TCF7L2: variants seen among roughly 807,000 people sequenced by gnomAD.
TCF7L2 encodes the protein transcription factor 7-like 2.
TCF7L2 carries 23 observed loss-of-function variants against 77.9 expected under a neutral mutation model. That is an observed-to-expected ratio of 0.30 (90% confidence interval 0.21 to 0.42). The LOEUF (loss-of-function observed/expected upper bound fraction) is 0.42. TCF7L2 is among the 10% of genes least tolerant of loss of function. The probability of loss-of-function intolerance (pLI) is 1.00; values close to 1 mark genes in which losing one functional copy is unlikely to be tolerated. For synonymous variants in TCF7L2, 413 were observed against 340.2 expected (o/e 1.21, Z -2.36); for missense variants, 654 against 793.1 (o/e 0.82, Z 2.11).
At chr10:113,055,126 C>T (rs377099209) in intron 5 of TCF7L2, among the ~76,000 whole-genome samples, 29 of 152,198 alleles carry the variant, frequency 1.9e-4, no homozygotes, top group African/African-American at 6.7e-4. Context: ...AGGATTCATA[C>T]CAAAGTAGAG....
intron 4 of TCF7L2, among the ~76,000 whole-genome samples, chr10:113,012,098 A>G (rs936378237): frequency 6.6e-6 from 1 of 152,134 alleles, no homozygotes; most frequent in African/African-American, 2.4e-5. Flanking sequence ...CGCCTTGGCA[A>G]TGGTTTTCAA....
chr10:112,964,341 AAAAAACAAAAAC>A lies in TCF7L2; in HGVS notation c.382-197_382-186del, dbSNP rs199541501. 3.0e-3 allele frequency among the ~76,000 whole-genome samples: 461 copies of A among 152,240 alleles called. 4 individuals are homozygous for A. The highest frequency in any genetic ancestry group is 0.01 in the African/African-American group (433 of 41,526). On this transcript the variant is annotated intron_variant, in intron 3 of 13. Transcript: ENST00000627217. ...CTGTATGCTTATTGAATAGGTGCTT[AAAAAACAAAAAC>A]AAAAACAAAAACAAAAAAACTTTAC...
chr10:113,152,897 G>GTT (rs2071064207), intron 11 of TCF7L2, among the ~76,000 whole-genome samples: 2 of 152,188 alleles, frequency 1.3e-5, no homozygotes, highest in South Asian at 4.1e-4. Context: ...GCCCTTTACC[G>GTT]TTAAGAAGGA....
At chr10:113,095,915 G>A (rs956836230) in intron 5 of TCF7L2, among the ~76,000 whole-genome samples, 3 of 152,050 alleles carry the variant, frequency 2.0e-5, no homozygotes, top group African/African-American at 4.8e-5. Context: ...CCCTTTCGTC[G>A]TGAGTCACGT....
chr10:113,108,637 G>C (rs868337039), intron 5 of TCF7L2, among the ~76,000 whole-genome samples: 23 of 152,280 alleles, frequency 1.5e-4, no homozygotes, highest in African/African-American at 5.5e-4. Flanking sequence ...GGTCAGCCTA[G>C]GCTGGCAGCA....
intron 5 of TCF7L2, among the ~76,000 whole-genome samples, chr10:113,092,009 A>C (rs1281378322): frequency 2.0e-5 from 3 of 152,214 alleles, no homozygotes; most frequent in African/African-American, 4.8e-5. Flanking sequence ...GAATATAGCT[A>C]TTCTCCCATC....
intron 11 of TCF7L2, among the ~76,000 whole-genome samples, chr10:113,157,243 C>T (rs1360461264): frequency 2.0e-5 from 3 of 152,196 alleles, no homozygotes; most frequent in African/African-American, 7.2e-5. Flanking sequence ...CTCGGCCTCC[C>T]GAGTAGCTGG....
rs1348117019 is a variant in TCF7L2 at position 113,118,678 on chromosome 10, GT to G, written c.553-22498del. Reference sequence around the variant, plus strand: ...TGTTTTTTTTTGTTTTTTTTTTTTTGTTTTTTTTATTTTATTTTATTCCCAA... The same window carrying G: ...TGTTTTTTTTTGTTTTTTTTTTTTTGTTTTTTTATTTTATTTTATTCCCAA... On this transcript the variant is annotated intron_variant, in intron 5 of 13. Coordinates refer to ENST00000627217, the MANE Select transcript of TCF7L2 (RefSeq NM_001146274.2). Among the ~76,000 whole-genome samples the G allele has an allele frequency of 2.5e-3, 135 of 53,294 alleles. 2 individuals are homozygous for G. Among genetic ancestry groups the G allele is most frequent in the African/African-American group, 9.7e-3 (128 of 13,218 alleles). 35.0% of individuals were successfully genotyped at this position (53,294 alleles called of 152,430 possible). A position where few individuals can be genotyped will look rare whatever the true frequency, so the allele number is the denominator to read the frequency against.
At chr10:113,095,723 T>C (rs1001223086) in intron 5 of TCF7L2, among the ~76,000 whole-genome samples, 13 of 152,300 alleles carry the variant, frequency 8.5e-5, no homozygotes, top group African/African-American at 2.4e-4. Context: ...ATCCTTTTCA[T>C]TTTGTATACT....
At chr10:113,053,974 TG>T (rs1369549594) in intron 5 of TCF7L2, among the ~76,000 whole-genome samples, 1 of 152,104 alleles carries the variant, frequency 6.6e-6, no homozygotes, top group Admixed American at 6.5e-5. Context: ...AGTGTTATGC[TG>T]CCTTAATCAG....
intron 5 of TCF7L2, among the ~76,000 whole-genome samples, chr10:113,103,781 G>T (rs961509041): frequency 1.3e-5 from 2 of 152,182 alleles, no homozygotes; most frequent in Non-Finnish European, 2.9e-5. Context: ...GGTCCTTGCT[G>T]CTGTGTTCCA....
intron 4 of TCF7L2, among the ~76,000 whole-genome samples, chr10:113,001,106 G>A (rs191856553): frequency 7.2e-4 from 109 of 152,318 alleles, no homozygotes; most frequent in Middle Eastern, 3.4e-3. Flanking sequence ...TGTCTTCCTC[G>A]CCCTGCCCTT....
chr10:113,102,110 T>TC (rs1564896497), intron 5 of TCF7L2, among the ~76,000 whole-genome samples: 2 of 22,976 alleles, frequency 8.7e-5, no homozygotes, highest in East Asian at 1.8e-3. Flanking sequence ...CGTGACTCCA[T>TC]CAAAAAAAAA....
chr10:112,970,168 G>T (rs1341965872), intron 4 of TCF7L2, among the ~76,000 whole-genome samples: 1 of 148,178 alleles, frequency 6.7e-6, no homozygotes, highest in Non-Finnish European at 1.5e-5. Context: ...GAAGTGGTTT[G>T]TGTGTGTGTG....
chr10:113,039,735 A>G (rs576614900), intron 4 of TCF7L2, among the ~76,000 whole-genome samples: 2 of 151,958 alleles, frequency 1.3e-5, no homozygotes, highest in East Asian at 3.9e-4. Context: ...CCACCAAGTT[A>G]AGGTAGTAGT....
chr10:113,127,064 G>C (rs185398459), intron 5 of TCF7L2: 202 of 327,098 alleles, frequency 6.2e-4, no homozygotes, highest in African/African-American at 4.3e-3. Context: ...GTAAGCTGCC[G>C]GGGTGGATGC....
intron 12 of TCF7L2, among the ~76,000 whole-genome samples, chr10:113,159,078 T>C (rs926092404): frequency 6.6e-6 from 1 of 152,156 alleles, no homozygotes; most frequent in Admixed American, 6.5e-5. Flanking sequence ...TAATGGCATT[T>C]TTTTCATTGC....
At chr10:113,079,032 C>T (rs887898347) in intron 5 of TCF7L2, among the ~76,000 whole-genome samples, 1 of 151,890 alleles carries the variant, frequency 6.6e-6, no homozygotes, top group African/African-American at 2.4e-5. Flanking sequence ...GGGGGTTTCA[C>T]CATGTTGGCC....
At chr10:113,008,428 G>C (rs2045936153) in intron 4 of TCF7L2, among the ~76,000 whole-genome samples, 1 of 152,190 alleles carries the variant, frequency 6.6e-6, no homozygotes, top group South Asian at 2.1e-4. Flanking sequence ...GTGGGGTCTT[G>C]AGACCCTGAT....
Sources: gnomAD v4.1 joint callset for allele counts (sites outside exome capture counted in the v4.1 genomes callset) on GRCh38, gnomAD v4.1.1 for gene constraint, MANE v1.5 for transcripts, NCBI Gene and HGNC (gene_info 2026-07-23, HGNC 2026-07-21) for gene names.